The following ARHGEF19 variants were observed in gnomAD, a reference collection of about 807,000 sequenced individuals.
ARHGEF19 encodes Rho guanine nucleotide exchange factor 19, also known as Rho guanine nucleotide exchange factor (GEF) 19.
Under a neutral mutation model 87.6 loss-of-function variants are expected in ARHGEF19, and 92 were observed. That is an observed-to-expected ratio of 1.05 (90% confidence interval 0.89 to 1.25). ARHGEF19 has a LOEUF of 1.25. Among genes scored for constraint, ARHGEF19 ranks in the 50% most tolerant of loss-of-function variants. The probability of loss-of-function intolerance (pLI) is 0.00; values close to 1 mark genes in which losing one functional copy is unlikely to be tolerated. For synonymous variants in ARHGEF19, 438 were observed against 446.2 expected (o/e 0.98, Z 0.23); for missense variants, 1,054 against 1,051.8 (o/e 1.00, Z -0.03).
At chr1:16,201,973 G>T in intron 13 of ARHGEF19, 112 bp from the exon 14 acceptor site, 1 of 750,020 alleles carries the variant, frequency 1.3e-6, no homozygotes, top group Non-Finnish European at 1.9e-6. Flanking sequence ...CTAGGACCCA[G>T]GCCTACCCTA....
At chr1:16,211,158 A>G (rs1037119712) in intron 1 of ARHGEF19, among the ~76,000 whole-genome samples, 7 of 152,224 alleles carry the variant, frequency 4.6e-5, no homozygotes, top group Non-Finnish European at 1.0e-4. Flanking sequence ...TTTTATTATC[A>G]TCAGTCTTTC....
rs1449808102 is a variant in ARHGEF19 at position 16,206,171 on chromosome 1, C to T, written c.1298+9G>A. 8 of 1,591,882 alleles carry T rather than the reference C, an allele frequency of 5.0e-6. No homozygotes were observed. The Middle Eastern group carries it at 5.0e-4, about 99-fold the overall frequency. ...CCCCACCCCGGGCCAGGCCAGACCA[C>T]TTCTTCACCTCTCGCTGGTGCTCTT... is the stretch of plus-strand genomic sequence containing the variant. On this transcript the variant is annotated intron_variant, in intron 7 of 15. Transcript: ENST00000270747. The surrounding 1 kb of genome is among the most constrained non-coding windows in gnomAD (Gnocchi z 4.6).
chr1:16,199,063 A>G (rs1256834327), intron 15 of ARHGEF19, 87 bp downstream of exon 15: 2 of 1,335,342 alleles, frequency 1.5e-6, no homozygotes, highest in African/African-American at 2.9e-5. Context: ...ACACTTGCAG[A>G]ACCTTTCCCT....
Position 16,198,640 on chromosome 1 carries a change from C to T in ARHGEF19, c.2356G>A (p.Glu786Lys). ...GTGGCACTTGTGACTCGCTTATTCT[C>T]CCGGAGGTTTCGGAGGCGGGCGCTG... ...SLSARLRNLR[E>K]NKRVTSATSK... The change falls in exon 16 of 16, where the codon GAG (glutamate) becomes AAG (lysine). Residue 786 changes from glutamate (E) to lysine (K), a missense_variant. By Grantham distance (56) the Glu-to-Lys change is moderately conservative (BLOSUM62 1). Transcript: ENST00000270747. The surrounding 1 kb of genome is among the most constrained non-coding windows in gnomAD (Gnocchi z 4.1). The T allele has an allele frequency of 6.2e-7, 1 of 1,613,758 alleles. No homozygotes were observed. The highest frequency in any genetic ancestry group is 2.2e-5 in the East Asian group (1 of 44,884).
At chr1:16,204,951 A>G in intron 11 of ARHGEF19, 32 bp from the exon 12 acceptor site, 6 of 1,584,654 alleles carry the variant, frequency 3.8e-6, no homozygotes, top group Non-Finnish European at 5.2e-6. Context: ...GGTCAGGCCC[A>G]GGGGCACCAG....
At chr1:16,201,944 C>A in intron 13 of ARHGEF19, 83 bp from the exon 14 acceptor site, 2 of 1,427,164 alleles carry the variant, frequency 1.4e-6, no homozygotes, top group Non-Finnish European at 1.9e-6. Context: ...GCTGGGGGAG[C>A]CAGACATGAT....
chr1:16,207,617 C>T lies in ARHGEF19; in HGVS notation c.798-19G>A, dbSNP rs1188750959. The T allele has an allele frequency of 6.2e-7, 1 of 1,614,036 alleles. No individual in the cohort carries two copies. Among genetic ancestry groups the T allele is most frequent in the Non-Finnish European group, 8.5e-7 (1 of 1,180,000 alleles). ...GTCTAGCCTAGGAAAGAGAGAGCGTCACGGCCCTAGTTCGCCTGCACCCTG... is the reference window on the plus strand; with the variant it reads ...GTCTAGCCTAGGAAAGAGAGAGCGTTACGGCCCTAGTTCGCCTGCACCCTG... On this transcript the variant is annotated intron_variant, in intron 4 of 15. Coordinates refer to ENST00000270747, the MANE Select transcript of ARHGEF19 (RefSeq NM_153213.5). This position sits in a 1 kb window ranked among gnomAD's most constrained non-coding sequence, Gnocchi z 4.0.
In ARHGEF19 at chr1:16,202,334, G is replaced by T; in HGVS notation, c.2066+82C>A. 3 of 810,924 alleles carry T rather than the reference G, an allele frequency of 3.7e-6. No individual in the cohort carries two copies. The South Asian group carries it at 1.1e-4, about 29-fold the overall frequency. 50.2% of individuals were successfully genotyped at this position (810,924 alleles called of 1,614,324 possible). On this transcript the variant is annotated intron_variant, in intron 13 of 15. Coordinates refer to ENST00000270747, the MANE Select transcript of ARHGEF19 (RefSeq NM_153213.5). ...GGATGTCCCAGGGGTGCCCGCCATG[G>T]GGACGGGGTGCCCATCATGGGGACG...
chr1:16,210,870 T>C (rs1431077100), intron 1 of ARHGEF19, among the ~76,000 whole-genome samples: 1 of 152,078 alleles, frequency 6.6e-6, no homozygotes, highest in Non-Finnish European at 1.5e-5. Flanking sequence ...TGTCAGTCAC[T>C]ATTGGAGACA....
chr1:16,206,189 G>T lies in ARHGEF19; in HGVS notation c.1289C>A (p.Thr430Asn). The change falls in exon 7 of 16, where the codon ACC (threonine) becomes AAC (asparagine). Residue 430 changes from threonine to asparagine, a missense_variant. Transcript: ENST00000270747. This position sits in a 1 kb window ranked among gnomAD's most constrained non-coding sequence, Gnocchi z 4.6. ...CAGACCACTTCTTCACCTCTCGCTG[G>T]TGCTCTTGACCTCGGGCAGTTTGGA... ...LFSKLPEVKS[T>N]SERFLQDLEQ... The T allele has an allele frequency of 6.3e-7, 1 of 1,596,412 alleles. No individual in the cohort carries two copies. Among genetic ancestry groups the T allele is most frequent in the Non-Finnish European group, 8.5e-7 (1 of 1,169,716 alleles).
At position 16,206,307 on chromosome 1, in the gene ARHGEF19, A is replaced by AT; in HGVS notation, c.1170_1171insA (p.Tyr391IlefsTer148). ...ACAGCCACCGACAGGCTGTGGATGT[A>AT]GGAGGCCTCGGAGGTGATCAGCTCA... On this transcript the variant is annotated frameshift_variant, in exon 7 of 16. Coordinates refer to ENST00000270747, the MANE Select transcript of ARHGEF19 (RefSeq NM_153213.5). LOFTEE classifies it high-confidence loss of function. The surrounding 1 kb of genome is among the most constrained non-coding windows in gnomAD (Gnocchi z 4.6). 6.3e-7 allele frequency: 1 copy of AT among 1,582,536 alleles called. No homozygotes were observed. The highest frequency in any genetic ancestry group is 8.6e-7 in the Non-Finnish European group (1 of 1,164,984).
chr1:16,204,279 G>C (rs2081105342), intron 12 of ARHGEF19, among the ~76,000 whole-genome samples: 1 of 141,794 alleles, frequency 7.1e-6, no homozygotes, highest in Admixed American at 7.8e-5. Context: ...GCATGGTGCT[G>C]CCATCAGACA....
chr1:16,204,821 C>A lies in ARHGEF19; in HGVS notation c.1845G>T (p.Leu615=). Residue 615 remains leucine (L), a synonymous_variant, in exon 12 of 16, where the codon CTG becomes CTT. Coordinates refer to ENST00000270747, the MANE Select transcript of ARHGEF19 (RefSeq NM_153213.5). The part of the protein sequence containing the change: ...LPAAPPAKLK[L]SSKAVYLHLF... ...GGTGGAGGTAGACTGCCTTGCTGGA[C>A]AGCTTCAGCTTGGCAGGGGGTGCTG... 1 of 1,611,650 alleles carries A rather than the reference C, an allele frequency of 6.2e-7. No homozygotes were observed. Among genetic ancestry groups the A allele is most frequent in the Non-Finnish European group, 8.5e-7 (1 of 1,178,834 alleles).
chr1:16,207,846 C>A lies in ARHGEF19; in HGVS notation c.695-69G>T, dbSNP rs561471043. Reference sequence around the variant, plus strand: ...CCTGGGGCCTGGGCCCCGGCCCAGGCACCCTGACGGCCTCAGGCGGCCGGT... The same window carrying A: ...CCTGGGGCCTGGGCCCCGGCCCAGGAACCCTGACGGCCTCAGGCGGCCGGT... On this transcript the variant is annotated intron_variant, in intron 3 of 15. Coordinates refer to ENST00000270747, the MANE Select transcript of ARHGEF19 (RefSeq NM_153213.5). The surrounding 1 kb of genome is among the most constrained non-coding windows in gnomAD (Gnocchi z 4.0). 1 of 1,586,890 alleles carries A rather than the reference C, an allele frequency of 6.3e-7. No individual in the cohort carries two copies. The highest frequency in any genetic ancestry group is 1.8e-5 in the Admixed American group (1 of 54,440).
At chr1:16,204,016 T>G (rs1292880227) in intron 12 of ARHGEF19, among the ~76,000 whole-genome samples, 1 of 152,228 alleles carries the variant, frequency 6.6e-6, no homozygotes, top group Non-Finnish European at 1.5e-5. Flanking sequence ...GAATTCTTCT[T>G]ATAGCATAAC....
Position 16,206,917 on chromosome 1 carries a change from C to T in ARHGEF19, c.1137+31G>A, listed in dbSNP as rs1445855487. 2 of 1,437,960 alleles carry T rather than the reference C, an allele frequency of 1.4e-6. No homozygotes were observed. Among genetic ancestry groups the T allele is most frequent in the Non-Finnish European group, 1.8e-6 (2 of 1,105,488 alleles). 89.1% of individuals were successfully genotyped at this position (1,437,960 alleles called of 1,614,324 possible). On this transcript the variant is annotated intron_variant, in intron 6 of 15. Transcript: ENST00000270747. This position sits in a 1 kb window ranked among gnomAD's most constrained non-coding sequence, Gnocchi z 4.6. Reference sequence around the variant, plus strand: ...CGGACCGCGTACTCCCCGGCCCGCCCCCGCCCCGCCGGGTCCCCGCGCGCG... The same window carrying T: ...CGGACCGCGTACTCCCCGGCCCGCCTCCGCCCCGCCGGGTCCCCGCGCGCG...
Position 16,205,739 on chromosome 1 carries a change from C to T in ARHGEF19, c.1452-72G>A, listed in dbSNP as rs954640087. ...TGGGATCCACAACCCTGGCCATCCA[C>T]GGGGTCCTCAGGGGGCTTCTCAGCA... On this transcript the variant is annotated intron_variant, in intron 8 of 15. Transcript: ENST00000270747. This position sits in a 1 kb window ranked among gnomAD's most constrained non-coding sequence, Gnocchi z 5.8. The T allele has an allele frequency of 2.1e-5, 32 of 1,531,298 alleles. No homozygotes were observed. The highest frequency in any genetic ancestry group is 2.5e-5 in the Non-Finnish European group (29 of 1,138,992). The allele number at this position is 1,531,298 out of a possible 1,614,324, so 94.9% of individuals were successfully genotyped here. A position where few individuals can be genotyped will look rare whatever the true frequency, so the allele number is the denominator to read the frequency against.
At chr1:16,209,567 A>T (rs1477764308) in intron 1 of ARHGEF19, among the ~76,000 whole-genome samples, 1 of 152,218 alleles carries the variant, frequency 6.6e-6, no homozygotes, top group Non-Finnish European at 1.5e-5. Flanking sequence ...TGACATGTAC[A>T]CTTTCATAGA....
chr1:16,206,332 A>T lies in ARHGEF19; in HGVS notation c.1146T>A (p.Phe382Leu). ...LRDCKLQEAK[F>L]ELITSEASYI... ...AGGAGGCCTCGGAGGTGATCAGCTC[A>T]AACTTGGCCTGAGGGAGGGCACACA... Residue 382 changes from phenylalanine to leucine, a missense_variant, in exon 7 of 16, where the codon TTT becomes TTA. Phe to Leu is a conservative substitution (Grantham distance 22). Coordinates refer to ENST00000270747, the MANE Select transcript of ARHGEF19 (RefSeq NM_153213.5). This position sits in a 1 kb window ranked among gnomAD's most constrained non-coding sequence, Gnocchi z 4.6. The T allele has an allele frequency of 6.3e-7, 1 of 1,577,872 alleles. No homozygotes were observed. The highest frequency in any genetic ancestry group is 8.6e-7 in the Non-Finnish European group (1 of 1,162,242).
Sources: gnomAD v4.1 joint callset for allele counts (sites outside exome capture counted in the v4.1 genomes callset) on GRCh38, gnomAD v4.1.1 for gene constraint, Gnocchi (gnomAD v3.1) non-coding constraint, MANE v1.5 for transcripts, NCBI Gene and HGNC (gene_info 2026-07-23, HGNC 2026-07-21) for gene names.